The following NMT1 variants were observed in gnomAD, a reference collection of about 807,000 sequenced individuals.
NMT1 encodes the protein N-myristoyltransferase 1.
NMT1 carries 12 observed loss-of-function variants against 63.4 expected under a neutral mutation model. The ratio of observed to expected loss-of-function variants is 0.19; its 90% CI spans 0.12 to 0.31. The LOEUF (loss-of-function observed/expected upper bound fraction) is 0.31, where lower values mean the gene tolerates loss of function less well. NMT1 is among the 10% of genes least tolerant of loss of function. NMT1 has a pLI of 1.00. For synonymous variants in NMT1, 228 were observed against 234.3 expected (o/e 0.97, Z 0.25); for missense variants, 432 against 634.6 (o/e 0.68, Z 3.43).
intron 2 of NMT1, among the ~76,000 whole-genome samples, chr17:45,085,202 A>G (rs561262647): frequency 1.3e-5 from 2 of 152,274 alleles, no homozygotes; most frequent in Admixed American, 6.5e-5. Context: ...GCAGTAAGCC[A>G]TGATTGTGCC....
At chr17:45,079,235 G>C (rs917664034) in intron 1 of NMT1, among the ~76,000 whole-genome samples, 1 of 151,894 alleles carries the variant, frequency 6.6e-6, no homozygotes, top group African/African-American at 2.4e-5. Context: ...CTCCCAAGTA[G>C]CTGGGATTAC....
Position 45,103,711 on chromosome 17 carries a change from C to T in NMT1, c.1167C>T (p.Asn389=), listed in dbSNP as rs142226258. ...CCTCTTTATTGCCTTCCCTTCAGAA[C>T]GCAAACGGAGAGGTGACAGATTTCC... The part of the protein sequence containing the change: ...ENIIDTFVVE[N]ANGEVTDFLS... Residue 389 remains asparagine, a splice_region_variant and synonymous_variant, in exon 10 of 12, where the codon AAC becomes AAT. Transcript: ENST00000258960. This position sits in a 1 kb window ranked among gnomAD's most constrained non-coding sequence, Gnocchi z 4.8. The T allele has an allele frequency of 2.6e-4, 423 of 1,610,932 alleles. 1 individual carries two copies. The African/African-American group carries it at 4.2e-3, about 16-fold the overall frequency.
In NMT1 at chr17:45,081,641, C is replaced by T. The variant is rs557630208; in HGVS notation, c.132-3C>T. The T allele has an allele frequency of 4.2e-5, 68 of 1,606,790 alleles. No homozygotes were observed. In the East Asian group the frequency reaches 1.3e-3, roughly 32 times the overall value. On this transcript the variant is annotated splice_polypyrimidine_tract_variant and splice_region_variant and intron_variant, in intron 1 of 11. Transcript: ENST00000258960. ...CTGCATTAGTATTTACTTTTTGTTA[C>T]AGTGGTTTGAGTCCAGCCAATGACA...
intron 1 of NMT1, among the ~76,000 whole-genome samples, chr17:45,067,168 T>A (rs2053908429): frequency 7.1e-6 from 1 of 141,364 alleles, no homozygotes. Context: ...TTTAATTTGA[T>A]TTTTTTTTTT....
At chr17:45,098,284 C>A in intron 6 of NMT1, 98 bp from the exon 7 acceptor site, 1 of 1,155,692 alleles carries the variant, frequency 8.7e-7, no homozygotes, top group Non-Finnish European at 1.3e-6. Flanking sequence ...ACCCGTGCTG[C>A]AGACCTGGTC....
Position 45,106,776 on chromosome 17 carries a change from T to G in NMT1, c.*1137T>G, listed in dbSNP as rs1315323350. On this transcript the variant is annotated 3_prime_UTR_variant, in exon 12 of 12. Coordinates refer to ENST00000258960, the MANE Select transcript of NMT1 (RefSeq NM_021079.5). Reference sequence around the variant, plus strand: ...CCTGCAAGTGGTAGCAAGAAGTGATTAGAGGCAGATCTGGACTTGGCAACA... The same window carrying G: ...CCTGCAAGTGGTAGCAAGAAGTGATGAGAGGCAGATCTGGACTTGGCAACA... 1 of 152,680 alleles carries G rather than the reference T, an allele frequency of 6.5e-6. No homozygotes were observed. Among genetic ancestry groups the G allele is most frequent in the Admixed American group, 6.5e-5 (1 of 15,282 alleles). The allele number at this position is 152,680 out of a possible 1,614,324, so 9.5% of individuals were successfully genotyped here.
At chr17:45,095,703 T>G (rs1001478579) in intron 4 of NMT1, among the ~76,000 whole-genome samples, 3 of 152,022 alleles carry the variant, frequency 2.0e-5, no homozygotes, top group Admixed American at 6.6e-5. Context: ...AACCAGGAGT[T>G]GGAGGCTGCA....
intron 1 of NMT1, among the ~76,000 whole-genome samples, chr17:45,069,808 C>G (rs954109726): frequency 6.7e-6 from 1 of 148,894 alleles, no homozygotes. Context: ...TCATGATAGA[C>G]AAATATTATT....
chr17:45,082,516 T>C (rs1374393482), intron 2 of NMT1, among the ~76,000 whole-genome samples: 1 of 152,238 alleles, frequency 6.6e-6, no homozygotes, highest in Non-Finnish European at 1.5e-5. Flanking sequence ...TTCTGAGTTC[T>C]ACTCCATGAG....
At chr17:45,066,386 A>G (rs186085359) in intron 1 of NMT1, among the ~76,000 whole-genome samples, 29 of 152,214 alleles carry the variant, frequency 1.9e-4, no homozygotes, top group African/African-American at 6.5e-4. Flanking sequence ...CTCTTTGTAT[A>G]TGAATTTAGT....
At chr17:45,063,542 A>G (rs2053881958) in intron 1 of NMT1, among the ~76,000 whole-genome samples, 1 of 152,028 alleles carries the variant, frequency 6.6e-6, no homozygotes, top group Admixed American at 6.6e-5. Flanking sequence ...TGTCCTGACC[A>G]GTGTCCTTAG....
At chr17:45,065,138 G>A (rs577765444) in intron 1 of NMT1, among the ~76,000 whole-genome samples, 5 of 152,244 alleles carry the variant, frequency 3.3e-5, no homozygotes, top group African/African-American at 9.6e-5. Context: ...TTGTGTCTTC[G>A]AAATGCCTAG....
intron 6 of NMT1, 106 bp from the exon 7 acceptor site, chr17:45,098,276 C>A: frequency 2.9e-6 from 3 of 1,042,648 alleles, no homozygotes; most frequent in African/African-American, 1.6e-5. Flanking sequence ...AAAAGTACAC[C>A]CGTGCTGCAG....
In NMT1 at chr17:45,061,353, A is replaced by C. The variant is rs1253429311; in HGVS notation, c.24A>C (p.Ala8=). 8 of 1,613,982 alleles carry C rather than the reference A, an allele frequency of 5.0e-6. No individual in the cohort carries two copies. The highest frequency in any genetic ancestry group is 6.8e-6 in the Non-Finnish European group (8 of 1,179,960). Residue 8 remains alanine, a synonymous_variant, in exon 1 of 12, where the codon GCA becomes GCC. Coordinates refer to ENST00000258960, the MANE Select transcript of NMT1 (RefSeq NM_021079.5). The part of the protein sequence containing the change: MADESET[A]VKPPAPPLPQ... The stretch of plus-strand genomic sequence containing the variant: ...AGATGGCGGACGAGAGTGAGACAGC[A>C]GTGAAGCCGCCGGCACCTCCGCTGC...
chr17:45,106,709 A>G lies in NMT1; in HGVS notation c.*1070A>G, dbSNP rs2062516453. Reference sequence around the variant, plus strand: ...ACCAGCCCCTGGCCTGTGCCTTCCAACCCATTAGCCATTTCTTGTTGTGCC... The same window carrying G: ...ACCAGCCCCTGGCCTGTGCCTTCCAGCCCATTAGCCATTTCTTGTTGTGCC... On this transcript the variant is annotated 3_prime_UTR_variant, in exon 12 of 12. Transcript: ENST00000258960. 1 of 152,678 alleles carries G rather than the reference A, an allele frequency of 6.5e-6. No homozygotes were observed. The highest frequency in any genetic ancestry group is 1.5e-5 in the Non-Finnish European group (1 of 68,084). 9.5% of individuals were successfully genotyped at this position (152,678 alleles called of 1,614,324 possible). A position where few individuals can be genotyped will look rare whatever the true frequency, so the allele number is the denominator to read the frequency against.
intron 2 of NMT1, among the ~76,000 whole-genome samples, chr17:45,084,745 G>A (rs2054041154): frequency 6.6e-6 from 1 of 151,880 alleles, no homozygotes; most frequent in Non-Finnish European, 1.5e-5. Context: ...TGGGATTACA[G>A]GTGTGAGCCA....
At chr17:45,076,995 A>G (rs1045704136) in intron 1 of NMT1, among the ~76,000 whole-genome samples, 2 of 152,248 alleles carry the variant, frequency 1.3e-5, no homozygotes, top group African/African-American at 2.4e-5. Context: ...AATTGGGTTC[A>G]TGAGGTGATA....
chr17:45,076,593 T>C (rs930735961), intron 1 of NMT1, among the ~76,000 whole-genome samples: 3 of 151,448 alleles, frequency 2.0e-5, no homozygotes, highest in Non-Finnish European at 2.9e-5. Context: ...CTACTAAAAA[T>C]ACAAAAATTA....
At position 45,086,668 on chromosome 17, in the gene NMT1, C is replaced by A; in HGVS notation, c.385+16C>A. On this transcript the variant is annotated intron_variant, in intron 3 of 11. Coordinates refer to ENST00000258960, the MANE Select transcript of NMT1 (RefSeq NM_021079.5). ...CCCAAGCTGGGTATGTACATGCTTG[C>A]TTTCTTTGCCAGGTCAGGGGCGAGG... The A allele has an allele frequency of 6.3e-7, 1 of 1,594,288 alleles. No individual in the cohort carries two copies. Among genetic ancestry groups the A allele is most frequent in the Non-Finnish European group, 8.5e-7 (1 of 1,171,630 alleles).
Sources: allele counts gnomAD v4.1 joint callset (sites outside exome capture counted in the v4.1 genomes callset), GRCh38; gene constraint gnomAD v4.1.1; non-coding constraint Gnocchi (gnomAD v3.1); transcripts MANE v1.5; gene names NCBI Gene and HGNC (gene_info 2026-07-23, HGNC 2026-07-21).